The following ESRP1 variants were observed in gnomAD, a reference collection of about 807,000 sequenced individuals.
ESRP1 encodes epithelial splicing regulatory protein 1.
In ESRP1, 33 loss-of-function variants were observed where a neutral mutation model predicts 81.7. That is an observed-to-expected ratio of 0.40 (90% CI 0.31 to 0.54). ESRP1 has a LOEUF of 0.54. Ranked by LOEUF, ESRP1 falls within the 20% of genes least tolerant of loss-of-function variation. ESRP1 has a pLI of 0.41. For missense variants in ESRP1, 672 were observed against 833.1 expected, an observed-to-expected ratio of 0.81 and a Z score of 2.38; for synonymous variants, 320 against 303.3, an observed-to-expected ratio of 1.06 and a Z score of -0.57.
At chr8:94,648,114 G>A (rs1817934913) in intron 4 of ESRP1, among the ~76,000 whole-genome samples, 1 of 152,158 alleles carries the variant, frequency 6.6e-6, no homozygotes, top group South Asian at 2.1e-4. Flanking sequence ...AAAATTAGCT[G>A]GACGTGGTTG....
At chr8:94,677,391 A>G (rs972504805) in intron 12 of ESRP1, among the ~76,000 whole-genome samples, 11 of 152,212 alleles carry the variant, frequency 7.2e-5, no homozygotes, top group Non-Finnish European at 1.5e-4. Context: ...AGTTGTGTTC[A>G]TTCCACAAGT....
chr8:94,664,255 CTG>C (rs1818901260), intron 6 of ESRP1, among the ~76,000 whole-genome samples: 1 of 151,020 alleles, frequency 6.6e-6, no homozygotes, highest in African/African-American at 2.4e-5. Flanking sequence ...TCCCAAGTAA[CTG>C]GGATTATAAG....
At chr8:94,642,828 C>G (rs2130522756) in intron 2 of ESRP1, among the ~76,000 whole-genome samples, 3 of 152,286 alleles carry the variant, frequency 2.0e-5, no homozygotes, top group Admixed American at 2.0e-4. Flanking sequence ...CCCTAGCACA[C>G]GAGCTTCGAG....
intron 4 of ESRP1, among the ~76,000 whole-genome samples, chr8:94,650,346 A>C (rs1425969204): frequency 6.6e-6 from 1 of 152,102 alleles, no homozygotes; most frequent in East Asian, 1.9e-4. Context: ...ACTTTGGCCA[A>C]TCATTCCTCC....
At chr8:94,697,011 C>T (rs1809633145) in intron 15 of ESRP1, 50 bp downstream of exon 15, 5 of 1,278,712 alleles carry the variant, frequency 3.9e-6, no homozygotes, top group Non-Finnish European at 5.4e-6. Flanking sequence ...AAACAGAGAT[C>T]AAGATTCTGA....
Position 94,641,799 on chromosome 8 carries a change from A to G in ESRP1, c.133-157A>G, listed in dbSNP as rs977680764. 14 of 1,136,058 alleles carry G rather than the reference A, an allele frequency of 1.2e-5. No individual in the cohort carries two copies. The African/African-American group carries it at 2.2e-4, about 18-fold the overall frequency. The allele number at this position is 1,136,058 out of a possible 1,614,324, so 70.4% of individuals were successfully genotyped here. A position where few individuals can be genotyped will look rare whatever the true frequency, so the allele number is the denominator to read the frequency against. ...TCGGGTGGGGGGTGGGGCGGGGGGC[A>G]GGAACGCACCGGAACCGATGGCGAG... On this transcript the variant is annotated intron_variant, in intron 1 of 15. Transcript: ENST00000433389.
intron 9 of ESRP1, among the ~76,000 whole-genome samples, chr8:94,667,571 A>C (rs1311328193): frequency 6.6e-6 from 1 of 152,174 alleles, no homozygotes; most frequent in Admixed American, 6.5e-5. Flanking sequence ...TGACATAGGC[A>C]ATCTTACAGA....
At position 94,643,393 on chromosome 8, in the gene ESRP1, C is replaced by T. The variant is rs1282997615; in HGVS notation, c.352C>T (p.Leu118=). The T allele has an allele frequency of 3.1e-6, 5 of 1,613,350 alleles. No homozygotes were observed. The African/African-American group carries it at 5.3e-5, about 17-fold the overall frequency. The change falls in exon 3 of 16, where the codon CTG becomes TTG. Residue 118 remains leucine, a synonymous_variant. Transcript: ENST00000433389. ...TDGQLHVRQI[L]HPEASKKNVL... is the part of the protein sequence containing the mutation. ...TGGGCAGCTTCATGTCAGGCAAATC[C>T]TGCATCCTGAGGCTTCCAAGAAGGT... is the stretch of plus-strand genomic sequence containing the variant.
chr8:94,663,146 T>C (rs1295128951), intron 6 of ESRP1, among the ~76,000 whole-genome samples: 1 of 152,222 alleles, frequency 6.6e-6, no homozygotes, highest in Non-Finnish European at 1.5e-5. Context: ...AACTATCCGA[T>C]CTTTCATTTA....
At chr8:94,648,998 A>G (rs1376570084) in intron 4 of ESRP1, among the ~76,000 whole-genome samples, 1 of 152,216 alleles carries the variant, frequency 6.6e-6, no homozygotes, top group Non-Finnish European at 1.5e-5. Flanking sequence ...AGGCAGGTGG[A>G]TCACTTGAGT....
intron 4 of ESRP1, chr8:94,649,399 A>G (rs924723023): frequency 2.0e-5 from 3 of 149,444 alleles, no homozygotes; most frequent in Admixed American, 1.4e-4. Flanking sequence ...TAGTCGTGCT[A>G]TGTTACCCAG....
intron 4 of ESRP1, among the ~76,000 whole-genome samples, chr8:94,649,030 TG>T (rs1817982847): frequency 6.6e-6 from 1 of 152,210 alleles, no homozygotes; most frequent in Admixed American, 6.5e-5. Flanking sequence ...AGATCAGCCT[TG>T]CCAACATGGC....
chr8:94,678,071 T>C (rs1586225706), intron 12 of ESRP1, 132 bp from the exon 13 acceptor site: 1 of 890,692 alleles, frequency 1.1e-6, no homozygotes, highest in East Asian at 2.6e-5. Context: ...GGAAATTGCT[T>C]GGGATAGGAT....
chr8:94,694,818 C>A (rs1056954158), intron 14 of ESRP1, among the ~76,000 whole-genome samples: 8 of 152,124 alleles, frequency 5.3e-5, no homozygotes, highest in African/African-American at 1.7e-4. Context: ...AACGATTGTG[C>A]AATATTATTT....
intron 15 of ESRP1, among the ~76,000 whole-genome samples, chr8:94,699,264 G>T (rs748394878): frequency 6.6e-6 from 1 of 151,956 alleles, no homozygotes; most frequent in Non-Finnish European, 1.5e-5. Context: ...TAACAGATCG[G>T]GCGCTGTGTT....
intron 2 of ESRP1, among the ~76,000 whole-genome samples, chr8:94,642,500 C>G (rs1218316424): frequency 6.6e-6 from 1 of 152,212 alleles, no homozygotes; most frequent in Non-Finnish European, 1.5e-5. Context: ...GCAGGTGGGC[C>G]CGGCGGGTGT....
At chr8:94,669,691 C>T (rs1819209663) in intron 10 of ESRP1, among the ~76,000 whole-genome samples, 1 of 151,876 alleles carries the variant, frequency 6.6e-6, no homozygotes, top group Admixed American at 6.6e-5. Flanking sequence ...CAAGGTGAAA[C>T]TCCATCTCTG....
intron 4 of ESRP1, chr8:94,649,442 T>TCCC (rs71273353): frequency 6.6e-6 from 1 of 150,772 alleles, no homozygotes; most frequent in Non-Finnish European, 1.5e-5. Context: ...CAAGCAATTC[T>TCCC]GCCTCAGCCT....
chr8:94,694,956 G>A (rs183278546), intron 14 of ESRP1, among the ~76,000 whole-genome samples: 42 of 152,292 alleles, frequency 2.8e-4, no homozygotes, highest in East Asian at 3.9e-4. Flanking sequence ...ATCTTCTTCA[G>A]TAATTTGAGC....
Sources: allele counts gnomAD v4.1 joint callset (sites outside exome capture counted in the v4.1 genomes callset), GRCh38; gene constraint gnomAD v4.1.1; transcripts MANE v1.5; gene names NCBI Gene and HGNC (gene_info 2026-07-23, HGNC 2026-07-21).